The following NLGN4X variants were observed in gnomAD, a reference collection of about 807,000 sequenced individuals.
NLGN4X encodes neuroligin-4, X-linked.
In NLGN4X, 3 loss-of-function variants were observed where a neutral mutation model predicts 40.3. The observed-to-expected ratio is 0.07, with a 90% CI of 0.03 to 0.19. The LOEUF (loss-of-function observed/expected upper bound fraction) is 0.19, where lower values mean the gene tolerates loss of function less well. NLGN4X is among the 10% of genes least tolerant of loss of function. The pLI is 1.00. For synonymous variants in NLGN4X, 270 were observed against 306.8 expected (o/e 0.88, Z 1.25); for missense variants, 382 against 708.3 (o/e 0.54, Z 5.23).
At position 6,151,165 on chromosome X, in the gene NLGN4X, C is replaced by T. The variant is rs267606492; in HGVS notation, c.302G>A (p.Arg101Gln). Residue 101 changes from arginine (R) to glutamine (Q), a missense_variant, in exon 2 of 6, where the codon CGA becomes CAA. By Grantham distance (43) the Arg-to-Gln change is conservative. Coordinates refer to ENST00000381095, the MANE Select transcript of NLGN4X (RefSeq NM_181332.3). ...PEPPSSWTGI[R>Q]NTTQFAAVCP... ...CACAGCAGCAAACTGAGTAGTATTT[C>T]GGATGCCAGTCCAGGAGGACGGGGG... The T allele has an allele frequency of 2.5e-6, 3 of 1,211,713 alleles. No individual in the cohort carries two copies. The highest frequency in any genetic ancestry group is 3.4e-6 in the Non-Finnish European group (3 of 895,459).
intron 3 of NLGN4X, among the ~76,000 whole-genome samples, chrX:5,979,049 C>A (rs983730981): frequency 9.0e-6 from 1 of 111,186 alleles, no homozygotes; most frequent in Non-Finnish European, 1.9e-5. Flanking sequence ...TATCACACCC[C>A]AAAGTTTACC....
intron 3 of NLGN4X, among the ~76,000 whole-genome samples, chrX:5,957,513 C>T (rs1045557805): frequency 1.8e-5 from 2 of 112,164 alleles, no homozygotes; most frequent in African/African-American, 6.5e-5. Context: ...ATTCAAATAT[C>T]CTTAACTCCA....
intron 3 of NLGN4X, among the ~76,000 whole-genome samples, chrX:5,919,007 T>C (rs973130965): frequency 2.8e-4 from 31 of 112,466 alleles, no homozygotes; most frequent in African/African-American, 8.7e-4. Flanking sequence ...TGCTTGGAAG[T>C]CTTTATTTAC....
intron 3 of NLGN4X, among the ~76,000 whole-genome samples, chrX:5,953,961 G>A (rs2034400145): frequency 9.0e-6 from 1 of 111,173 alleles, no homozygotes; most frequent in South Asian, 3.8e-4. Flanking sequence ...CAACAGACTA[G>A]CCCCATGGAG....
chrX:6,144,990 T>C (rs2040017750), intron 2 of NLGN4X, among the ~76,000 whole-genome samples: 1 of 110,967 alleles, frequency 9.0e-6, no homozygotes, highest in Non-Finnish European at 1.9e-5. Flanking sequence ...TACCTATCTC[T>C]CAAAATTAGG....
At chrX:6,226,101 GGCT>G (rs1165859609) in intron 1 of NLGN4X, among the ~76,000 whole-genome samples, 1 of 100,649 alleles carries the variant, frequency 9.9e-6, no homozygotes, top group Non-Finnish European at 2.0e-5. Flanking sequence ...CCAAGCCCTA[GGCT>G]GAATTCGTGA....
intron 3 of NLGN4X, among the ~76,000 whole-genome samples, chrX:5,984,821 GCAAA>G (rs1400345818): frequency 1.8e-5 from 2 of 111,951 alleles, no homozygotes; most frequent in African/African-American, 3.2e-5. Context: ...ATTTAGCCAT[GCAAA>G]CAGAGTTTCC....
At chrX:6,143,922 T>C (rs1239262743) in intron 2 of NLGN4X, among the ~76,000 whole-genome samples, 1 of 112,177 alleles carries the variant, frequency 8.9e-6, no homozygotes, top group African/African-American at 3.2e-5. Flanking sequence ...TCTGCCACCA[T>C]TTTCTAATTT....
chrX:6,174,887 G>A (rs899816987), intron 1 of NLGN4X, among the ~76,000 whole-genome samples: 4 of 110,339 alleles, frequency 3.6e-5, no homozygotes, highest in Middle Eastern at 4.7e-3. Context: ...TCAGCATCAC[G>A]CAATATTCCC....
intron 3 of NLGN4X, among the ~76,000 whole-genome samples, chrX:6,003,270 G>A (rs1335076373): frequency 8.9e-6 from 1 of 111,904 alleles, no homozygotes; most frequent in African/African-American, 3.3e-5. Context: ...GTGAAAGCAG[G>A]GATACAGAGG....
In NLGN4X at chrX:5,904,292, CTT is replaced by C. The variant is rs1427798378; in HGVS notation, c.812-428_812-427del. On this transcript the variant is annotated intron_variant, in intron 4 of 5. Coordinates refer to ENST00000381095, the MANE Select transcript of NLGN4X (RefSeq NM_181332.3). Reference sequence around the variant, plus strand: ...AAGCTAGTACCAGTTCAAAGGCCCTCTTGTCTCACAAGCAAAACTAGGTATCT... The same window carrying C: ...AAGCTAGTACCAGTTCAAAGGCCCTCGTCTCACAAGCAAAACTAGGTATCT... 3.6e-5 allele frequency among the ~76,000 whole-genome samples: 4 copies of C among 111,761 alleles called. No homozygotes were observed. The East Asian group carries it at 8.5e-4, about 24-fold the overall frequency.
chrX:6,151,525 A>C lies in NLGN4X; in HGVS notation c.-59T>G. On this transcript the variant is annotated 5_prime_UTR_variant, in exon 2 of 6. Coordinates refer to ENST00000381095, the MANE Select transcript of NLGN4X (RefSeq NM_181332.3). ...CAGTGATGTGGCTCCAAGGAGACAA[A>C]GCCCAGAGGCGAGCCTGCAGAGAGA... 5.8e-6 allele frequency: 6 copies of C among 1,034,793 alleles called. No homozygotes were observed. In the South Asian group the frequency reaches 1.1e-4, roughly 20 times the overall value. 85.3% of individuals were successfully genotyped at this position (1,034,793 alleles called of 1,213,427 possible).
intron 5 of NLGN4X, among the ~76,000 whole-genome samples, chrX:5,898,395 C>T (rs1262333642): frequency 9.3e-6 from 1 of 107,783 alleles, no homozygotes; most frequent in Non-Finnish European, 1.9e-5. Flanking sequence ...CTCCGCCATG[C>T]ACATCCCAAC....
At position 6,197,880 on chromosome X, in the gene NLGN4X, A is replaced by G. The variant is rs758755714; in HGVS notation, c.-306+30661T>C. Among the ~76,000 whole-genome samples the G allele has an allele frequency of 1.1e-3, 125 of 109,494 alleles. 1 individual carries two copies. Among genetic ancestry groups the G allele is most frequent in the African/African-American group, 4.1e-3 (124 of 30,069 alleles). On this transcript the variant is annotated intron_variant, in intron 1 of 5. Coordinates refer to ENST00000381095, the MANE Select transcript of NLGN4X (RefSeq NM_181332.3). ...GGAATTTGAGACCAGCCTGGGCAAC[A>G]TGGCGAAACTCTGTCTCTACAAAAA...
chrX:5,912,850 AGGGAGGGAGGGAGAGCAGGAGGG>A, intron 3 of NLGN4X, among the ~76,000 whole-genome samples: 1 of 85,976 alleles, frequency 1.2e-5, no homozygotes, highest in Non-Finnish European at 2.2e-5. Flanking sequence ...GGAGGGAAGG[AGGGAGGGAGGGAGAGCAGGAGGG>A]AGGAAGGAAG....
At chrX:5,982,205 G>C (rs1355421514) in intron 3 of NLGN4X, among the ~76,000 whole-genome samples, 3 of 111,962 alleles carry the variant, frequency 2.7e-5, no homozygotes, top group East Asian at 5.6e-4. Flanking sequence ...CAGTGCTTCA[G>C]AGAGAAATGT....
chrX:6,079,237 T>C (rs1259048217), intron 2 of NLGN4X, among the ~76,000 whole-genome samples: 1 of 111,958 alleles, frequency 8.9e-6, no homozygotes, highest in Non-Finnish European at 1.9e-5. Context: ...GTTAAGACTG[T>C]GTGCAGCATA....
chrX:6,220,319 T>G (rs1334661331), intron 1 of NLGN4X, among the ~76,000 whole-genome samples: 1 of 42,809 alleles, frequency 2.3e-5, no homozygotes, highest in Non-Finnish European at 4.6e-5. Context: ...AGGCATAGAT[T>G]GCATTGTCTC....
chrX:5,970,400 G>C (rs1487914623), intron 3 of NLGN4X, among the ~76,000 whole-genome samples: 1 of 111,535 alleles, frequency 9.0e-6, no homozygotes, highest in Non-Finnish European at 1.9e-5. Context: ...TTTTCCATGA[G>C]AACCAGTGAC....
Sources: allele counts gnomAD v4.1 joint callset (sites outside exome capture counted in the v4.1 genomes callset), GRCh38; gene constraint gnomAD v4.1.1; transcripts MANE v1.5; gene names NCBI Gene and HGNC (gene_info 2026-07-23, HGNC 2026-07-21).